The following LUZP2 variants were observed in gnomAD, a reference collection of about 807,000 sequenced individuals.
LUZP2 encodes the protein leucine zipper protein 2.
LUZP2 carries 52 observed loss-of-function variants against 51.6 expected under a neutral mutation model. The ratio of observed to expected loss-of-function variants is 1.01; its 90% confidence interval spans 0.81 to 1.27. LUZP2 has a LOEUF of 1.27. LUZP2 is among the 50% of genes most tolerant of loss of function. The pLI is 0.00. For missense variants in LUZP2, 436 were observed against 395.4 expected (o/e 1.10, Z -0.87); for synonymous variants, 154 against 137.3 (o/e 1.12, Z -0.85).
chr11:24,880,366 T>C (rs1455763889), intron 5 of LUZP2, among the ~76,000 whole-genome samples: 1 of 152,216 alleles, frequency 6.6e-6, no homozygotes, highest in Non-Finnish European at 1.5e-5. Flanking sequence ...TTTTCCTACT[T>C]CTTCGGTGCC....
intron 1 of LUZP2, among the ~76,000 whole-genome samples, chr11:24,526,265 C>CAA (rs71041769): frequency 0.086 from 12,092 of 141,142 alleles, 526 homozygotes; most frequent in African/African-American, 0.12. Context: ...CACTAGGGGG[C>CAA]AAAAAAAAAA....
intron 10 of LUZP2, among the ~76,000 whole-genome samples, chr11:25,054,019 C>T (rs1161338555): frequency 6.6e-6 from 1 of 152,142 alleles, no homozygotes; most frequent in African/African-American, 2.4e-5. Context: ...GTATTTCATG[C>T]TAGTCCATAT....
At chr11:24,751,624 C>T in intron 4 of LUZP2, 3 of 977,122 alleles carry the variant, frequency 3.1e-6, no homozygotes, top group Non-Finnish European at 3.6e-6. Flanking sequence ...AGTTTTCTAT[C>T]CTGGGTTTTT....
intron 5 of LUZP2, among the ~76,000 whole-genome samples, chr11:24,850,728 G>A (rs936752433): frequency 6.6e-6 from 1 of 152,050 alleles, no homozygotes; most frequent in Non-Finnish European, 1.5e-5. Context: ...CCATTTTCAC[G>A]ATATTGATTC....
At chr11:24,907,808 A>AT (rs913923655) in intron 6 of LUZP2, among the ~76,000 whole-genome samples, 5 of 152,046 alleles carry the variant, frequency 3.3e-5, no homozygotes, top group African/African-American at 1.2e-4. Flanking sequence ...AATAATTCGT[A>AT]TTTTTTCTTC....
intron 9 of LUZP2, among the ~76,000 whole-genome samples, chr11:25,008,575 T>C (rs1373957094): frequency 6.6e-6 from 1 of 152,186 alleles, no homozygotes; most frequent in Non-Finnish European, 1.5e-5. Context: ...TTATTCCCTG[T>C]TGCTCAGCAA....
In LUZP2 at chr11:24,808,915, A is replaced by G. The variant is rs55980503; in HGVS notation, c.396+45607A>G. On this transcript the variant is annotated intron_variant, in intron 5 of 11. Transcript: ENST00000336930. ...ATACTATTAAAATATAAAAACCAAT[A>G]GTTTATATCAATTTAGAATTACTCT... 8.1e-3 allele frequency among the ~76,000 whole-genome samples: 1,233 copies of G among 152,308 alleles called. 22 individuals are homozygous for G. Among genetic ancestry groups the G allele is most frequent in the African/African-American group, 0.028 (1,157 of 41,564 alleles).
At chr11:24,886,033 C>T (rs1852658194) in intron 5 of LUZP2, among the ~76,000 whole-genome samples, 1 of 152,110 alleles carries the variant, frequency 6.6e-6, no homozygotes, top group Non-Finnish European at 1.5e-5. Context: ...AATGCCATGG[C>T]TGGCTGGTGG....
At chr11:24,807,699 C>T (rs574879724) in intron 5 of LUZP2, among the ~76,000 whole-genome samples, 1 of 152,136 alleles carries the variant, frequency 6.6e-6, no homozygotes, top group East Asian at 1.9e-4. Context: ...ATGTTGGCCT[C>T]TCTGTGTAGC....
intron 10 of LUZP2, among the ~76,000 whole-genome samples, chr11:25,059,980 G>A (rs1218926820): frequency 6.6e-6 from 1 of 152,098 alleles, no homozygotes; most frequent in Non-Finnish European, 1.5e-5. Context: ...CCTAATATGT[G>A]CAAGATATTC....
intron 5 of LUZP2, among the ~76,000 whole-genome samples, chr11:24,885,034 C>A (rs11606895): frequency 6.6e-6 from 1 of 151,928 alleles, no homozygotes; most frequent in African/African-American, 2.4e-5. Context: ...GGTTCTGTTT[C>A]GAAGAGAAGT....
intron 1 of LUZP2, among the ~76,000 whole-genome samples, chr11:24,603,686 T>G (rs181648692): frequency 6.6e-6 from 1 of 151,914 alleles, no homozygotes; most frequent in East Asian, 1.9e-4. Flanking sequence ...ATTAGCCTAA[T>G]AAAATGAAGG....
Position 24,763,273 on chromosome 11 carries a change from A to G in LUZP2, c.361A>G (p.Arg121Gly), listed in dbSNP as rs1420998964. 2.9e-6 allele frequency: 4 copies of G among 1,391,810 alleles called. No homozygotes were observed. Among genetic ancestry groups the G allele is most frequent in the Non-Finnish European group, 9.5e-7 (1 of 1,052,188 alleles). The allele number at this position is 1,391,810 out of a possible 1,614,324, so 86.2% of individuals were successfully genotyped here. ...TINFLKTEVERKSKMIRDLQN... is the reference protein window; with the variant it reads ...TINFLKTEVEGKSKMIRDLQN... ...TAATTTTTTAAAGACTGAAGTTGAAAGAAAGAGCAAAATGATCCGAGACCT... is the reference window on the plus strand; with the variant it reads ...TAATTTTTTAAAGACTGAAGTTGAAGGAAAGAGCAAAATGATCCGAGACCT... Residue 121 changes from arginine to glycine, a missense_variant, in exon 5 of 12, where the codon AGA (arginine) becomes GGA (glycine). By Grantham distance (125) the Arg-to-Gly change is moderately radical. Transcript: ENST00000336930.
At chr11:24,879,679 GCT>G (rs1158731863) in intron 5 of LUZP2, among the ~76,000 whole-genome samples, 1 of 152,108 alleles carries the variant, frequency 6.6e-6, no homozygotes, top group Non-Finnish European at 1.5e-5. Flanking sequence ...GTGATGTTGA[GCT>G]TTTTTTCCAT....
At chr11:24,597,940 A>G (rs1480008617) in intron 1 of LUZP2, among the ~76,000 whole-genome samples, 5 of 152,078 alleles carry the variant, frequency 3.3e-5, no homozygotes, top group African/African-American at 1.2e-4. Context: ...GTCTCTACTA[A>G]AGATACAAAA....
chr11:24,661,131 A>G (rs1022821671), intron 1 of LUZP2, among the ~76,000 whole-genome samples: 1 of 151,454 alleles, frequency 6.6e-6, no homozygotes, highest in African/African-American at 2.4e-5. Context: ...TTTAAACCAG[A>G]AATATTTGAC....
chr11:24,730,383 A>G (rs1024729850), intron 2 of LUZP2, among the ~76,000 whole-genome samples: 1 of 145,840 alleles, frequency 6.9e-6, no homozygotes, highest in Non-Finnish European at 1.5e-5. Context: ...GATGTGTTAC[A>G]TATGGAGAAG....
intron 9 of LUZP2, among the ~76,000 whole-genome samples, chr11:24,988,964 A>C (rs1856258446): frequency 6.6e-6 from 1 of 151,910 alleles, no homozygotes; most frequent in African/African-American, 2.4e-5. Context: ...ATTTGGAAAA[A>C]TGCCTGTGAG....
chr11:24,821,839 AC>A (rs1300759716), intron 5 of LUZP2, among the ~76,000 whole-genome samples: 3 of 151,458 alleles, frequency 2.0e-5, no homozygotes, highest in Admixed American at 1.3e-4. Context: ...AACCTTTTTC[AC>A]TGGATGACAA....
Sources: allele counts gnomAD v4.1 joint callset (sites outside exome capture counted in the v4.1 genomes callset), GRCh38; gene constraint gnomAD v4.1.1; transcripts MANE v1.5; gene names NCBI Gene and HGNC (gene_info 2026-07-23, HGNC 2026-07-21).